The following ITGA8 variants were observed in gnomAD, a reference collection of about 807,000 sequenced individuals.
The protein encoded by ITGA8 is integrin alpha-8.
ITGA8 carries 91 observed loss-of-function variants against 142.3 expected under a neutral mutation model. The ratio of observed to expected loss-of-function variants is 0.64; its 90% confidence interval spans 0.54 to 0.76. The LOEUF is 0.76. ITGA8 is among the 30% of genes least tolerant of loss of function. ITGA8 has a pLI of 0.00. For missense variants in ITGA8, 1,406 were observed against 1,327.7 expected (o/e 1.06, Z -0.92); for synonymous variants, 505 against 485.2 (o/e 1.04, Z -0.54).
chr10:15,614,479 G>T (rs1396747994), intron 14 of ITGA8, among the ~76,000 whole-genome samples: 1 of 152,154 alleles, frequency 6.6e-6, no homozygotes, highest in East Asian at 1.9e-4. Flanking sequence ...AACTCTCCAG[G>T]TGATTATAAT....
chr10:15,554,431 G>A (rs2131563364), intron 26 of ITGA8, among the ~76,000 whole-genome samples: 1 of 152,266 alleles, frequency 6.6e-6, no homozygotes, highest in African/African-American at 2.4e-5. Flanking sequence ...GTGCCTCTCT[G>A]GCATGAAGCC....
chr10:15,656,787 T>C (rs1048679539), intron 10 of ITGA8, among the ~76,000 whole-genome samples: 1 of 152,214 alleles, frequency 6.6e-6, no homozygotes, highest in Non-Finnish European at 1.5e-5. Flanking sequence ...GCTTCCATAG[T>C]GTGCCATGCA....
chr10:15,581,123 G>C (rs1159630945), intron 23 of ITGA8, among the ~76,000 whole-genome samples: 2 of 152,180 alleles, frequency 1.3e-5, no homozygotes, highest in Admixed American at 6.5e-5. Context: ...ATTTAGAGTA[G>C]GGGTTGTTAA....
chr10:15,576,945 C>G (rs1025772180), intron 23 of ITGA8, among the ~76,000 whole-genome samples: 1 of 152,148 alleles, frequency 6.6e-6, no homozygotes, highest in Non-Finnish European at 1.5e-5. Context: ...ATTGGTTTGT[C>G]ATTATGCTAT....
intron 28 of ITGA8, among the ~76,000 whole-genome samples, chr10:15,528,289 TA>T (rs1027160817): frequency 1.2e-4 from 18 of 152,042 alleles, no homozygotes; most frequent in Non-Finnish European, 2.5e-4. Context: ...GAGCTCACTA[TA>T]AAAAAATGTC....
intron 27 of ITGA8, among the ~76,000 whole-genome samples, chr10:15,540,270 C>T (rs1421704116): frequency 6.6e-6 from 1 of 152,050 alleles, no homozygotes; most frequent in African/African-American, 2.4e-5. Flanking sequence ...ACCCTTTAAC[C>T]AACCTCTTTT....
chr10:15,573,739 G>A (rs541521441), intron 24 of ITGA8, among the ~76,000 whole-genome samples: 2 of 152,184 alleles, frequency 1.3e-5, no homozygotes, highest in African/African-American at 4.8e-5. Context: ...GAGTTACATA[G>A]GAAAGGAACA....
chr10:15,611,426 C>G (rs984188959), intron 15 of ITGA8: 2 of 151,704 alleles, frequency 1.3e-5, no homozygotes, highest in Non-Finnish European at 2.9e-5. Context: ...AAGAAAATGG[C>G]TCATGAAAAG....
At chr10:15,683,311 A>ACCCT (rs1834775648) in intron 4 of ITGA8, among the ~76,000 whole-genome samples, 1 of 94,968 alleles carries the variant, frequency 1.1e-5, no homozygotes, top group African/African-American at 5.0e-5. Context: ...CCACCCACCC[A>ACCCT]CCCACCCACC....
chr10:15,534,241 G>T lies in ITGA8; in HGVS notation c.2881-3090C>A, dbSNP rs139255825. Among the ~76,000 whole-genome samples, 218 of 152,262 alleles carry T rather than the reference G, an allele frequency of 1.4e-3. 1 individual carries two copies. Among genetic ancestry groups the T allele is most frequent in the African/African-American group, 5.0e-3 (206 of 41,566 alleles). On this transcript the variant is annotated intron_variant, in intron 27 of 29. Coordinates refer to ENST00000378076, the MANE Select transcript of ITGA8 (RefSeq NM_003638.3). ...CCAATCTTGACTGCCGTTTCTGGTG[G>T]TTGCTGAACTTCAGACATATCTGAG...
At chr10:15,689,212 G>T (rs1467675419) in intron 2 of ITGA8, among the ~76,000 whole-genome samples, 1 of 152,104 alleles carries the variant, frequency 6.6e-6, no homozygotes, top group Non-Finnish European at 1.5e-5. Flanking sequence ...TAGGACAGAT[G>T]GCATCAGCCA....
intron 1 of ITGA8, 43 bp downstream of exon 1, chr10:15,719,520 C>G: frequency 1.3e-6 from 2 of 1,482,110 alleles, no homozygotes; most frequent in South Asian, 1.3e-5. Flanking sequence ...GACCCGGGAG[C>G]GCCTTCGTCC....
intron 2 of ITGA8, among the ~76,000 whole-genome samples, chr10:15,715,847 C>A (rs1035608496): frequency 2.6e-5 from 4 of 152,328 alleles, no homozygotes; most frequent in East Asian, 3.9e-4. Flanking sequence ...ACTGCCAGTT[C>A]CACTATCTGA....
At chr10:15,573,164 T>C (rs1834218882) in intron 24 of ITGA8, among the ~76,000 whole-genome samples, 1 of 151,816 alleles carries the variant, frequency 6.6e-6, no homozygotes, top group Non-Finnish European at 1.5e-5. Flanking sequence ...TTAATTCACC[T>C]TATCAAAGAA....
chr10:15,626,152 A>G (rs923872022), intron 13 of ITGA8, among the ~76,000 whole-genome samples: 1 of 152,326 alleles, frequency 6.6e-6, no homozygotes, highest in Non-Finnish European at 1.5e-5. Context: ...TTTGGGCCCT[A>G]TGTAAATCAG....
intron 2 of ITGA8, among the ~76,000 whole-genome samples, chr10:15,706,090 C>T (rs961948368): frequency 6.6e-6 from 1 of 152,136 alleles, no homozygotes; most frequent in African/African-American, 2.4e-5. Flanking sequence ...AGTGCCCATT[C>T]GACATCTGTT....
At chr10:15,689,518 G>A (rs1285758449) in intron 2 of ITGA8, among the ~76,000 whole-genome samples, 2 of 152,120 alleles carry the variant, frequency 1.3e-5, no homozygotes, top group South Asian at 2.1e-4. Context: ...CTTTGCTTCG[G>A]GAGAATTCTG....
chr10:15,626,847 G>T (rs202011671), intron 13 of ITGA8, among the ~76,000 whole-genome samples: 1 of 152,134 alleles, frequency 6.6e-6, no homozygotes, highest in South Asian at 2.1e-4. Context: ...CCCTGCTGAC[G>T]CCTTGATCTT....
chr10:15,659,590 T>A (rs1183146774), intron 9 of ITGA8, among the ~76,000 whole-genome samples: 1 of 152,236 alleles, frequency 6.6e-6, no homozygotes, highest in Non-Finnish European at 1.5e-5. Context: ...AATTTCATAA[T>A]AATGGGTTTG....
Sources: gnomAD v4.1 joint callset for allele counts (sites outside exome capture counted in the v4.1 genomes callset) on GRCh38, gnomAD v4.1.1 for gene constraint, MANE v1.5 for transcripts, NCBI Gene and HGNC (gene_info 2026-07-23, HGNC 2026-07-21) for gene names.